The following CTNNA3 variants were observed in gnomAD, a reference collection of about 807,000 sequenced individuals.
CTNNA3 encodes catenin alpha 3.
Under a neutral mutation model 95.7 loss-of-function variants are expected in CTNNA3, and 76 were observed. The ratio of observed to expected loss-of-function variants is 0.79; its 90% CI spans 0.66 to 0.96. The LOEUF is 0.96. Ranked by LOEUF, CTNNA3 falls within the 40% of genes least tolerant of loss-of-function variation. The probability of loss-of-function intolerance (pLI) is 0.00; values close to 1 mark genes in which losing one functional copy is unlikely to be tolerated. For missense variants in CTNNA3, 1,191 were observed against 1,089.8 expected (o/e 1.09, Z -1.31); for synonymous variants, 431 against 374.4 (o/e 1.15, Z -1.74).
intron 7 of CTNNA3, among the ~76,000 whole-genome samples, chr10:67,021,451 A>C (rs1281140276): frequency 6.6e-6 from 1 of 152,122 alleles, no homozygotes; most frequent in South Asian, 2.1e-4. Context: ...AATTTTAAAT[A>C]CCGTTCATAC....
intron 9 of CTNNA3, among the ~76,000 whole-genome samples, chr10:66,634,685 C>T (rs1409809189): frequency 1.3e-5 from 2 of 151,580 alleles, no homozygotes; most frequent in Non-Finnish European, 2.9e-5. Flanking sequence ...TTTTTCCTAT[C>T]TTACTCACAC....
At chr10:66,795,230 C>T (rs555387722) in intron 7 of CTNNA3, among the ~76,000 whole-genome samples, 17 of 152,162 alleles carry the variant, frequency 1.1e-4, no homozygotes, top group African/African-American at 4.1e-4. Flanking sequence ...GTAGTTATAG[C>T]CTTATGAAAT....
At chr10:66,573,643 A>G (rs920252875) in intron 10 of CTNNA3, among the ~76,000 whole-genome samples, 1 of 152,190 alleles carries the variant, frequency 6.6e-6, no homozygotes, top group African/African-American at 2.4e-5. Flanking sequence ...AGCAAGATGA[A>G]TATGAGCAGA....
chr10:67,115,787 G>A, intron 7 of CTNNA3, among the ~76,000 whole-genome samples: 1 of 151,844 alleles, frequency 6.6e-6, no homozygotes, highest in East Asian at 1.9e-4. Context: ...GATCCTACAA[G>A]CAGAAAGGGG....
At chr10:66,074,168 T>A (rs986463568) in intron 14 of CTNNA3, among the ~76,000 whole-genome samples, 4 of 151,944 alleles carry the variant, frequency 2.6e-5, no homozygotes, top group Non-Finnish European at 5.9e-5. Flanking sequence ...TTCTGTTGCA[T>A]GTAGTTATAT....
At chr10:66,442,200 T>A (rs1444043817) in intron 11 of CTNNA3, among the ~76,000 whole-genome samples, 2 of 152,154 alleles carry the variant, frequency 1.3e-5, no homozygotes, top group African/African-American at 2.4e-5. Flanking sequence ...CTGTAGCAAT[T>A]TAAAGTATAC....
intron 9 of CTNNA3, among the ~76,000 whole-genome samples, chr10:66,683,423 C>T (rs756809383): frequency 7.2e-5 from 11 of 152,100 alleles, no homozygotes; most frequent in Non-Finnish European, 1.0e-4. Context: ...GTAAATTAAA[C>T]TTTGTAATGC....
intron 7 of CTNNA3, among the ~76,000 whole-genome samples, chr10:67,032,659 A>T (rs1187017223): frequency 6.6e-6 from 1 of 152,234 alleles, no homozygotes; most frequent in Non-Finnish European, 1.5e-5. Context: ...AGTTAACAGA[A>T]CATTATTCAA....
intron 11 of CTNNA3, among the ~76,000 whole-genome samples, chr10:66,474,168 T>C (rs1199460555): frequency 6.6e-6 from 1 of 152,036 alleles, no homozygotes; most frequent in Non-Finnish European, 1.5e-5. Context: ...AGTTATTCTG[T>C]CTATCTAACT....
chr10:66,504,548 C>G (rs1840386450), intron 11 of CTNNA3, among the ~76,000 whole-genome samples: 1 of 152,182 alleles, frequency 6.6e-6, no homozygotes. Context: ...TTTGTTCTCT[C>G]ACAATGCCCA....
intron 13 of CTNNA3, among the ~76,000 whole-genome samples, chr10:66,150,151 G>A (rs1184161961): frequency 6.6e-6 from 1 of 152,218 alleles, no homozygotes; most frequent in Non-Finnish European, 1.5e-5. Context: ...AACCCCGTGG[G>A]AGGTGATTGA....
chr10:66,245,560 A>T (rs2090283583), intron 13 of CTNNA3, among the ~76,000 whole-genome samples: 1 of 152,182 alleles, frequency 6.6e-6, no homozygotes, highest in South Asian at 2.1e-4. Context: ...GAGCAATATA[A>T]CAGCTCACAG....
At chr10:65,944,886 A>ATCTATCTATCTATCTATCTT (rs1380295124) in intron 17 of CTNNA3, among the ~76,000 whole-genome samples, 1,525 of 138,290 alleles carry the variant, frequency 0.011, 24 homozygotes, top group African/African-American at 0.036. Flanking sequence ...CTATCTATCT[A>ATCTATCTATCTATCTATCTT]TCTATCTATC....
intron 15 of CTNNA3, among the ~76,000 whole-genome samples, chr10:66,008,123 C>G (rs1002153466): frequency 7.2e-5 from 11 of 152,120 alleles, no homozygotes; most frequent in African/African-American, 2.2e-4. Flanking sequence ...GCTCCCCAAA[C>G]TCTAGTGTTT....
intron 3 of CTNNA3, among the ~76,000 whole-genome samples, chr10:67,584,433 C>A (rs1056203382): frequency 3.3e-5 from 5 of 152,186 alleles, no homozygotes; most frequent in African/African-American, 1.2e-4. Context: ...CTGGAAGCTT[C>A]ATCTCAGAGG....
At chr10:66,625,833 G>A (rs1025281079) in intron 9 of CTNNA3, among the ~76,000 whole-genome samples, 4 of 152,154 alleles carry the variant, frequency 2.6e-5, no homozygotes, top group Admixed American at 2.6e-4. Context: ...CCCTGTTGTG[G>A]AGCCTGGCCT....
At chr10:67,293,668 C>T (rs1045594076) in intron 5 of CTNNA3, among the ~76,000 whole-genome samples, 1 of 111,400 alleles carries the variant, frequency 9.0e-6, no homozygotes, top group Non-Finnish European at 1.7e-5. Flanking sequence ...CCCTCCCCCT[C>T]CCCCCACCCC....
chr10:67,085,860 A>G (rs1444804481), intron 7 of CTNNA3, among the ~76,000 whole-genome samples: 1 of 152,050 alleles, frequency 6.6e-6, no homozygotes, highest in Non-Finnish European at 1.5e-5. Context: ...TTATGTTAAT[A>G]TCAATGAAAT....
chr10:65,973,390 A>T lies in CTNNA3; in HGVS notation c.2266-6644T>A, dbSNP rs373024078. Reference sequence around the variant, plus strand: ...AAGAGCTTCTGCATAGCAACAAACTATCAACAGAGTACATAGACAACCCAC... The same window carrying T: ...AAGAGCTTCTGCATAGCAACAAACTTTCAACAGAGTACATAGACAACCCAC... On this transcript the variant is annotated intron_variant, in intron 16 of 17. Transcript: ENST00000433211. Among the ~76,000 whole-genome samples, 99 of 152,294 alleles carry T rather than the reference A, an allele frequency of 6.5e-4. 1 individual carries two copies. Among genetic ancestry groups the T allele is most frequent in the African/African-American group, 1.9e-3 (79 of 41,576 alleles).
Sources: allele counts gnomAD v4.1 joint callset (sites outside exome capture counted in the v4.1 genomes callset), GRCh38; gene constraint gnomAD v4.1.1; transcripts MANE v1.5; gene names NCBI Gene and HGNC (gene_info 2026-07-23, HGNC 2026-07-21).